The following SPTBN1 variants were observed in gnomAD, a reference collection of about 807,000 sequenced individuals.
The protein encoded by SPTBN1 is spectrin beta, non-erythrocytic 1.
In SPTBN1, 32 loss-of-function variants were observed where a neutral mutation model predicts 266.4. That is an observed-to-expected ratio of 0.12 (90% CI 0.09 to 0.16). SPTBN1 has a LOEUF of 0.16. Among genes scored for constraint, SPTBN1 ranks in the 10% least tolerant of loss-of-function variants. The probability of loss-of-function intolerance (pLI) is 1.00; values close to 1 mark genes in which losing one functional copy is unlikely to be tolerated. For synonymous variants in SPTBN1, 1,336 were observed against 1,162.2 expected, an observed-to-expected ratio of 1.15 and a Z score of -3.04; for missense variants, 2,296 against 3,067.1, an observed-to-expected ratio of 0.75 and a Z score of 5.94.
intron 2 of SPTBN1, among the ~76,000 whole-genome samples, chr2:54,550,680 GTACT>G (rs35296656): frequency 0.089 from 13,465 of 152,128 alleles, 1,874 homozygotes; most frequent in African/African-American, 0.3. Flanking sequence ...ATTTAGAATG[GTACT>G]TACTGTAACT....
At chr2:54,520,040 C>T (rs1255311451) in intron 1 of SPTBN1, among the ~76,000 whole-genome samples, 1 of 152,100 alleles carries the variant, frequency 6.6e-6, no homozygotes, top group African/African-American at 2.4e-5. Context: ...CTGCACCTTG[C>T]AGGGAGCAGC....
At chr2:54,505,799 T>G (rs1257013114) in intron 1 of SPTBN1, among the ~76,000 whole-genome samples, 1 of 152,090 alleles carries the variant, frequency 6.6e-6, no homozygotes, top group African/African-American at 2.4e-5. Flanking sequence ...TTGCTGTCAG[T>G]TTTTCTCTCT....
intron 1 of SPTBN1, among the ~76,000 whole-genome samples, chr2:54,458,908 T>C (rs1227973955): frequency 6.6e-6 from 1 of 152,254 alleles, no homozygotes; most frequent in African/African-American, 2.4e-5. Flanking sequence ...TGATTTCATG[T>C]GGCTCTGCAG....
At chr2:54,473,689 G>T (rs1230632040) in intron 1 of SPTBN1, among the ~76,000 whole-genome samples, 1 of 152,180 alleles carries the variant, frequency 6.6e-6, no homozygotes, top group Non-Finnish European at 1.5e-5. Context: ...TATTAATTTA[G>T]AGTGTGCATT....
chr2:54,591,478 GA>G (rs1288094775), intron 2 of SPTBN1, among the ~76,000 whole-genome samples: 2 of 152,212 alleles, frequency 1.3e-5, no homozygotes, highest in African/African-American at 4.8e-5. Context: ...GAGCCTGATA[GA>G]AAATATTACT....
At chr2:54,529,619 G>T in intron 2 of SPTBN1, 1 of 722,056 alleles carries the variant, frequency 1.4e-6, no homozygotes. Flanking sequence ...GAAGATAAAA[G>T]ACAACAACAC....
intron 1 of SPTBN1, among the ~76,000 whole-genome samples, chr2:54,502,650 A>C (rs938589165): frequency 5.3e-5 from 8 of 152,190 alleles, no homozygotes; most frequent in African/African-American, 1.9e-4. Context: ...TTCATGGAAA[A>C]TCCAAGTGCA....
chr2:54,595,175 G>A (rs911380218), intron 2 of SPTBN1, among the ~76,000 whole-genome samples: 28 of 152,152 alleles, frequency 1.8e-4, no homozygotes, highest in African/African-American at 6.3e-4. Context: ...TTCTTTGCTG[G>A]AGAAAAGACG....
At chr2:54,618,310 A>G in intron 7 of SPTBN1, 117 bp downstream of exon 7, 2 of 904,538 alleles carry the variant, frequency 2.2e-6, no homozygotes, top group East Asian at 2.7e-5. Context: ...GAAGAGCTTA[A>G]TTTTGGTTAT....
chr2:54,467,090 C>T (rs1693676277), intron 1 of SPTBN1, among the ~76,000 whole-genome samples: 2 of 151,880 alleles, frequency 1.3e-5, no homozygotes, highest in African/African-American at 4.8e-5. Context: ...GTTTCGTTTC[C>T]CTACAGTACT....
At chr2:54,593,718 A>G (rs1254326991) in intron 2 of SPTBN1, among the ~76,000 whole-genome samples, 1 of 150,388 alleles carries the variant, frequency 6.6e-6, no homozygotes, top group Non-Finnish European at 1.5e-5. Context: ...ATCCCAACAG[A>G]TGGAGAGTTA....
intron 2 of SPTBN1, among the ~76,000 whole-genome samples, chr2:54,575,178 C>T (rs992062917): frequency 3.3e-5 from 5 of 152,146 alleles, no homozygotes; most frequent in Admixed American, 2.6e-4. Context: ...TGTTTTAAAT[C>T]CAGAGCGTTG....
At chr2:54,627,283 T>G (rs1218676118) in intron 12 of SPTBN1, among the ~76,000 whole-genome samples, 1 of 152,202 alleles carries the variant, frequency 6.6e-6, no homozygotes, top group Non-Finnish European at 1.5e-5. Context: ...GAGGGACTTT[T>G]CATTTTATAA....
chr2:54,660,106 A>G (rs1680938779), intron 32 of SPTBN1, 107 bp downstream of exon 32: 1 of 1,605,734 alleles, frequency 6.2e-7, no homozygotes, highest in South Asian at 1.1e-5. Context: ...CCATTTGTCA[A>G]GAATCACCCT....
chr2:54,549,999 T>C (rs1391118548), intron 2 of SPTBN1, among the ~76,000 whole-genome samples: 2 of 152,234 alleles, frequency 1.3e-5, no homozygotes, highest in Non-Finnish European at 2.9e-5. Flanking sequence ...ATCCTGGTCA[T>C]GCACTTGTTT....
In SPTBN1 at chr2:54,645,486, C is replaced by G; in HGVS notation, c.4494+33C>G. The G allele has an allele frequency of 6.2e-7, 1 of 1,602,662 alleles. No homozygotes were observed. Among genetic ancestry groups the G allele is most frequent in the Non-Finnish European group, 8.5e-7 (1 of 1,171,972 alleles). On this transcript the variant is annotated intron_variant, in intron 21 of 35. Coordinates refer to ENST00000356805, the MANE Select transcript of SPTBN1 (RefSeq NM_003128.3). This position sits in a 1 kb window ranked among gnomAD's most constrained non-coding sequence, Gnocchi z 4.3. ...GACCCCTACTGCACACATGGCTTTT[C>G]CACGAGCCCCCTTGCCTGTGCTAAA...
intron 1 of SPTBN1, among the ~76,000 whole-genome samples, chr2:54,471,197 G>A (rs573361856): frequency 4.1e-4 from 63 of 152,262 alleles, no homozygotes; most frequent in African/African-American, 1.3e-3. Context: ...CAGCTTGGGC[G>A]ACATGGTGAG....
chr2:54,593,700 G>T (rs1675836657), intron 2 of SPTBN1, among the ~76,000 whole-genome samples: 1 of 152,046 alleles, frequency 6.6e-6, no homozygotes, highest in Non-Finnish European at 1.5e-5. Flanking sequence ...AGTCTTGATG[G>T]AGACACCATC....
At chr2:54,473,580 A>G (rs904100197) in intron 1 of SPTBN1, among the ~76,000 whole-genome samples, 39 of 152,012 alleles carry the variant, frequency 2.6e-4, no homozygotes, top group Admixed American at 2.5e-3. Context: ...TATTGAGGAG[A>G]GGTGAACTAC....
Sources: allele counts gnomAD v4.1 joint callset (sites outside exome capture counted in the v4.1 genomes callset), GRCh38; gene constraint gnomAD v4.1.1; non-coding constraint Gnocchi (gnomAD v3.1); transcripts MANE v1.5; gene names NCBI Gene and HGNC (gene_info 2026-07-23, HGNC 2026-07-21).